STPG2: variants seen among roughly 807,000 people sequenced by gnomAD.
STPG2 encodes the protein sperm tail PG-rich repeat containing 2, also known as sperm-tail PG-rich repeat-containing protein 2.
STPG2 carries 56 observed loss-of-function variants against 54.2 expected under a neutral mutation model. The ratio of observed to expected loss-of-function variants is 1.03; its 90% CI spans 0.83 to 1.29. The LOEUF (loss-of-function observed/expected upper bound fraction) is 1.29, where lower values mean the gene tolerates loss of function less well. Among genes scored for constraint, STPG2 ranks in the 50% most tolerant of loss-of-function variants. STPG2 has a pLI of 0.00. For synonymous variants in STPG2, 200 were observed against 181.8 expected, an observed-to-expected ratio of 1.10 and a Z score of -0.81; for missense variants, 596 against 544.9, an observed-to-expected ratio of 1.09 and a Z score of -0.93.
chr4:97,976,672 T>G (rs1734510423), intron 6 of STPG2, among the ~76,000 whole-genome samples: 1 of 152,120 alleles, frequency 6.6e-6, no homozygotes, highest in Admixed American at 6.6e-5. Context: ...AGTCCAATTC[T>G]TTACTCTAAT....
At chr4:98,087,431 T>C (rs1235374435) in intron 5 of STPG2, among the ~76,000 whole-genome samples, 1 of 152,184 alleles carries the variant, frequency 6.6e-6, no homozygotes, top group Non-Finnish European at 1.5e-5. Flanking sequence ...ACCATATTAG[T>C]CTGCCAGCTA....
At chr4:97,984,492 C>T (rs1436908639) in intron 5 of STPG2, among the ~76,000 whole-genome samples, 1 of 152,118 alleles carries the variant, frequency 6.6e-6, no homozygotes, top group Non-Finnish European at 1.5e-5. Flanking sequence ...CAATTCCAGC[C>T]CCCATCGAAG....
intron 5 of STPG2, among the ~76,000 whole-genome samples, chr4:97,984,865 A>C (rs1003637435): frequency 2.0e-5 from 3 of 152,144 alleles, no homozygotes; most frequent in African/African-American, 7.2e-5. Context: ...AAACTCCTGG[A>C]AACTTAACAA....
At chr4:97,910,172 G>T (rs1257773474) in intron 8 of STPG2, among the ~76,000 whole-genome samples, 1 of 152,114 alleles carries the variant, frequency 6.6e-6, no homozygotes, top group Non-Finnish European at 1.5e-5. Context: ...TACTAACAAG[G>T]TGACATTCCT....
intron 5 of STPG2, among the ~76,000 whole-genome samples, chr4:98,073,180 T>C (rs1738061008): frequency 1.3e-5 from 2 of 152,178 alleles, no homozygotes; most frequent in South Asian, 4.1e-4. Context: ...TAGAATTTTT[T>C]CCACTTGTCC....
At chr4:97,971,924 A>G (rs1262890765) in intron 7 of STPG2, among the ~76,000 whole-genome samples, 1 of 152,156 alleles carries the variant, frequency 6.6e-6, no homozygotes, top group Non-Finnish European at 1.5e-5. Flanking sequence ...TATTCTCCCT[A>G]AGTCTTTACT....
At chr4:97,641,266 T>C (rs1460384421) in intron 10 of STPG2, among the ~76,000 whole-genome samples, 1 of 151,638 alleles carries the variant, frequency 6.6e-6, no homozygotes, top group East Asian at 1.9e-4. Context: ...AAGAAGTTAA[T>C]TTAGTTAGAC....
intron 8 of STPG2, among the ~76,000 whole-genome samples, chr4:97,850,965 G>A (rs1729142385): frequency 6.6e-6 from 1 of 152,178 alleles, no homozygotes; most frequent in African/African-American, 2.4e-5. Flanking sequence ...CAGAAACTAT[G>A]TGTAATATTG....
At chr4:97,932,412 T>A (rs1732584762) in intron 8 of STPG2, among the ~76,000 whole-genome samples, 1 of 152,170 alleles carries the variant, frequency 6.6e-6, no homozygotes, top group South Asian at 2.1e-4. Context: ...CATGCTAGTT[T>A]GTCACATAGA....
chr4:98,002,322 A>G (rs1231617435), intron 5 of STPG2, among the ~76,000 whole-genome samples: 2 of 152,114 alleles, frequency 1.3e-5, no homozygotes, highest in Non-Finnish European at 2.9e-5. Context: ...TAGCGTAAAA[A>G]GACTGATTTT....
At chr4:98,022,414 T>C (rs1388458288) in intron 5 of STPG2, among the ~76,000 whole-genome samples, 3 of 152,016 alleles carry the variant, frequency 2.0e-5, no homozygotes, top group Non-Finnish European at 4.4e-5. Context: ...CTTCCCTTTG[T>C]GGGTAACGTG....
chr4:97,471,718 GT>G (rs1729941275), intron 4 of STPG2, among the ~76,000 whole-genome samples: 1 of 151,942 alleles, frequency 6.6e-6, no homozygotes, highest in African/African-American at 2.4e-5. Flanking sequence ...TTAAGACAAC[GT>G]TTTAATGTTG....
intron 5 of STPG2, among the ~76,000 whole-genome samples, chr4:98,051,298 AT>A (rs1320970287): frequency 3.3e-5 from 5 of 152,116 alleles, no homozygotes; most frequent in Non-Finnish European, 7.4e-5. Context: ...TATTTGCAAA[AT>A]TTTTTTCTAG....
In STPG2 at chr4:98,051,826, G is replaced by T. The variant is rs185278702; in HGVS notation, c.612+54127C>A. Among the ~76,000 whole-genome samples the T allele has an allele frequency of 7.1e-3, 1,082 of 152,106 alleles. 6 individuals are homozygous for T. Among genetic ancestry groups the T allele is most frequent in the Non-Finnish European group, 0.012 (849 of 68,008 alleles). The stretch of plus-strand genomic sequence containing the variant: ...AATATACATAAATAGGAAACACGCT[G>T]GGCGCAGTGGCTCAAGCCTCACTTT... On this transcript the variant is annotated intron_variant, in intron 5 of 10. Transcript: ENST00000295268.
chr4:97,970,456 A>C (rs1734283925), intron 7 of STPG2, among the ~76,000 whole-genome samples: 1 of 152,194 alleles, frequency 6.6e-6, no homozygotes, highest in Non-Finnish European at 1.5e-5. Context: ...TGGTACCAAA[A>C]CAGAAATACA....
At chr4:97,924,288 C>A (rs1246274274) in intron 8 of STPG2, among the ~76,000 whole-genome samples, 1 of 152,190 alleles carries the variant, frequency 6.6e-6, no homozygotes, top group Non-Finnish European at 1.5e-5. Flanking sequence ...AAGAACCCAC[C>A]AATTCCAGAC....
intron 4 of STPG2, among the ~76,000 whole-genome samples, chr4:97,521,692 T>C (rs901418360): frequency 2.0e-5 from 3 of 152,070 alleles, no homozygotes; most frequent in South Asian, 2.1e-4. Context: ...AATTTGTTCA[T>C]ATACAACTTA....
At chr4:97,881,031 ACAGGTGATCT>A (rs1730352042) in intron 8 of STPG2, among the ~76,000 whole-genome samples, 1 of 152,090 alleles carries the variant, frequency 6.6e-6, no homozygotes, top group African/African-American at 2.4e-5. Context: ...TGAGAAGATA[ACAGGTGATCT>A]CAGTCACAAA....
In STPG2 at chr4:97,890,006, A is replaced by ATT. The variant is rs1730709735; in HGVS notation, c.1045-49075_1045-49074insAA. On this transcript the variant is annotated intron_variant, in intron 8 of 10. Transcript: ENST00000295268. ...TTGAAATACATTAGAAGATAAAAGG[A>ATT]AAATTAAAGACATAAGGAGCTATTA... Among the ~76,000 whole-genome samples, 5 of 152,294 alleles carry ATT rather than the reference A, an allele frequency of 3.3e-5. No individual in the cohort carries two copies. The South Asian group carries it at 1.0e-3, about 32-fold the overall frequency.
Sources: allele counts gnomAD v4.1 joint callset (sites outside exome capture counted in the v4.1 genomes callset), GRCh38; gene constraint gnomAD v4.1.1; transcripts MANE v1.5; gene names NCBI Gene and HGNC (gene_info 2026-07-23, HGNC 2026-07-21).